Variants in DAOA observed in about 807,000 individuals in gnomAD.
DAOA encodes D-amino acid oxidase regulator.
A neutral mutation model predicts 16.4 loss-of-function variants in DAOA; 15 were observed. The observed-to-expected ratio is 0.91, with a 90% CI of 0.61 to 1.41. The LOEUF (loss-of-function observed/expected upper bound fraction) is 1.41, where lower values mean the gene tolerates loss of function less well. Among genes scored for constraint, DAOA ranks in the 40% most tolerant of loss-of-function variants. The pLI, the probability that DAOA is intolerant of heterozygous loss-of-function variation, is 0.00. For synonymous variants in DAOA, 75 were observed against 59.1 expected, an observed-to-expected ratio of 1.27 and a Z score of -1.23; for missense variants, 230 against 176.8, an observed-to-expected ratio of 1.30 and a Z score of -1.71.
At position 105,489,896 on chromosome 13, in the gene DAOA, T is replaced by C; in HGVS notation, c.282-5T>C. 2 of 1,613,884 alleles carry C rather than the reference T, an allele frequency of 1.2e-6. No individual in the cohort carries two copies. The highest frequency in any genetic ancestry group is 1.1e-5 in the South Asian group (1 of 91,072). Reference sequence around the variant, plus strand: ...CTGGCCAACTGAGACCGGATCTCCTTACAGGCTTGAAGAAGTAAGCAGCCA... The same window carrying C: ...CTGGCCAACTGAGACCGGATCTCCTCACAGGCTTGAAGAAGTAAGCAGCCA... On this transcript the variant is annotated splice_polypyrimidine_tract_variant and splice_region_variant and intron_variant, in intron 4 of 5. Transcript: ENST00000375936.
At chr13:105,473,154 A>AGTGTGT (rs1365111312) in intron 4 of DAOA, among the ~76,000 whole-genome samples, 1 of 97,732 alleles carries the variant, frequency 1.0e-5, no homozygotes, top group Admixed American at 1.2e-4. Flanking sequence ...TGCCTACGTG[A>AGTGTGT]GAGTGTGTGT....
chr13:105,467,909 A>T (rs1876648176), intron 3 of DAOA, among the ~76,000 whole-genome samples: 1 of 152,122 alleles, frequency 6.6e-6, no homozygotes, highest in South Asian at 2.1e-4. Flanking sequence ...TCATTATTTC[A>T]TAGTTCTCAT....
intron 3 of DAOA, chr13:105,467,543 A>G (rs1281426854): frequency 1.3e-5 from 2 of 153,988 alleles, no homozygotes; most frequent in African/African-American, 2.4e-5. Flanking sequence ...GGTCTCACAC[A>G]GTGCCTCACT....
At chr13:105,489,633 C>G in intron 4 of DAOA, 2 of 710,102 alleles carry the variant, frequency 2.8e-6, no homozygotes, top group Non-Finnish European at 2.2e-6. Flanking sequence ...GTCCTCAATT[C>G]TCAGGCAATT....
chr13:105,470,407 G>T (rs1566373454), intron 3 of DAOA, among the ~76,000 whole-genome samples: 2 of 151,734 alleles, frequency 1.3e-5, no homozygotes, highest in Non-Finnish European at 2.9e-5. Context: ...CTGATACCAT[G>T]CCTTTTTTAT....
chr13:105,486,529 A>T (rs567554200), intron 4 of DAOA, among the ~76,000 whole-genome samples: 2 of 152,272 alleles, frequency 1.3e-5, no homozygotes, highest in South Asian at 4.1e-4. Flanking sequence ...TGTATCATGA[A>T]TAAGACGTAG....
chr13:105,469,385 G>A (rs1400492453), intron 3 of DAOA, among the ~76,000 whole-genome samples: 4 of 152,172 alleles, frequency 2.6e-5, no homozygotes, highest in Admixed American at 2.6e-4. Context: ...ATGACAATGA[G>A]TGTAAAAGAA....
intron 2 of DAOA, 66 bp downstream of exon 2, chr13:105,466,398 C>A (rs1010891197): frequency 1.2e-6 from 2 of 1,609,720 alleles, no homozygotes; most frequent in Admixed American, 1.7e-5. Context: ...CATGGCAGCA[C>A]AGAGCTCCCA....
chr13:105,474,257 T>C (rs948855115), intron 4 of DAOA, among the ~76,000 whole-genome samples: 1 of 152,128 alleles, frequency 6.6e-6, no homozygotes, highest in African/African-American at 2.4e-5. Flanking sequence ...AACCATATAA[T>C]TGCAGGCATC....
At chr13:105,488,981 C>A (rs1878325029) in intron 4 of DAOA, among the ~76,000 whole-genome samples, 4 of 152,188 alleles carry the variant, frequency 2.6e-5, no homozygotes, top group Admixed American at 2.0e-4. Flanking sequence ...GGACACACAA[C>A]ACAGTCATGC....
chr13:105,476,625 A>T (rs2139183288), intron 4 of DAOA, among the ~76,000 whole-genome samples: 1 of 152,178 alleles, frequency 6.6e-6, no homozygotes, highest in East Asian at 1.9e-4. Flanking sequence ...AAAAAATAAT[A>T]AAAAGAATCC....
rs190386149 is a variant in DAOA at position 105,473,617 on chromosome 13, G to T, written c.281+932G>T. On this transcript the variant is annotated intron_variant, in intron 4 of 5. Transcript: ENST00000375936. ...CACGCAAAAAAAGTATAGCCAAGCA[G>T]CTAGAAAATGGAAAAGTCACTCACT... 2.0e-3 allele frequency among the ~76,000 whole-genome samples: 311 copies of T among 152,146 alleles called. 1 individual carries two copies. Among genetic ancestry groups the T allele is most frequent in the African/African-American group, 7.4e-3 (306 of 41,526 alleles).
chr13:105,474,818 G>C (rs1877227776), intron 4 of DAOA, among the ~76,000 whole-genome samples: 1 of 151,980 alleles, frequency 6.6e-6, no homozygotes, highest in African/African-American at 2.4e-5. Context: ...AGTTGAAGGA[G>C]TGTTTTCACA....
At chr13:105,475,380 A>T (rs559834953) in intron 4 of DAOA, among the ~76,000 whole-genome samples, 1 of 152,316 alleles carries the variant, frequency 6.6e-6, no homozygotes, top group South Asian at 2.1e-4. Flanking sequence ...AAGTGGATTT[A>T]TCAGGTGGCT....
intron 3 of DAOA, among the ~76,000 whole-genome samples, chr13:105,470,780 G>GT (rs1876876484): frequency 7.2e-6 from 1 of 139,452 alleles, no homozygotes; most frequent in African/African-American, 2.6e-5. Flanking sequence ...TAGCTAATTT[G>GT]TTTTCTTTTC....
intron 4 of DAOA, among the ~76,000 whole-genome samples, chr13:105,484,449 A>G (rs1877971436): frequency 6.6e-6 from 1 of 152,152 alleles, no homozygotes; most frequent in Admixed American, 6.5e-5. Flanking sequence ...CCAACCCATT[A>G]AAAATGTATC....
intron 4 of DAOA, among the ~76,000 whole-genome samples, chr13:105,479,611 C>T (rs1239051364): frequency 1.3e-5 from 2 of 152,148 alleles, no homozygotes; most frequent in East Asian, 3.9e-4. Context: ...ACATGGTCAC[C>T]ATTCCCTGTG....
intron 4 of DAOA, among the ~76,000 whole-genome samples, chr13:105,474,615 G>A (rs1877215977): frequency 6.6e-6 from 1 of 152,036 alleles, no homozygotes; most frequent in Admixed American, 6.5e-5. Context: ...ACTAAAGCCA[G>A]CAAATGTGCA....
At chr13:105,477,566 A>G (rs1208625774) in intron 4 of DAOA, among the ~76,000 whole-genome samples, 2 of 152,154 alleles carry the variant, frequency 1.3e-5, no homozygotes, top group East Asian at 3.9e-4. Context: ...TCTACAAAGA[A>G]TTTAAAAATT....
Sources: allele counts gnomAD v4.1 joint callset (sites outside exome capture counted in the v4.1 genomes callset), GRCh38; gene constraint gnomAD v4.1.1; transcripts MANE v1.5; gene names NCBI Gene and HGNC (gene_info 2026-07-23, HGNC 2026-07-21).